The following C1QTNF3 variants were observed in gnomAD, a reference collection of about 807,000 sequenced individuals.
C1QTNF3 encodes the protein complement C1q tumor necrosis factor-related protein 3.
In C1QTNF3, 26 loss-of-function variants were observed where a neutral mutation model predicts 32.6. The observed-to-expected ratio is 0.80, with a 90% confidence interval of 0.58 to 1.11. The LOEUF (loss-of-function observed/expected upper bound fraction) is 1.11, where lower values mean the gene tolerates loss of function less well. Ranked by LOEUF, C1QTNF3 falls within the 50% of genes least tolerant of loss-of-function variation. The probability of loss-of-function intolerance (pLI) is 0.00; values close to 1 mark genes in which losing one functional copy is unlikely to be tolerated. For missense variants in C1QTNF3, 362 were observed against 398.2 expected (o/e 0.91, Z 0.77); for synonymous variants, 155 against 146.0 (o/e 1.06, Z -0.44).
chr5:34,052,210 T>C, the C1QTNF3 span, among the ~76,000 whole-genome samples: 1 of 152,218 alleles, frequency 6.6e-6, no homozygotes, highest in African/African-American at 2.4e-5. Context: ...ATTAATTTAT[T>C]ACTACAGATA....
At chr5:34,139,834 T>C in the C1QTNF3 span, among the ~76,000 whole-genome samples, 1 of 152,176 alleles carries the variant, frequency 6.6e-6, no homozygotes, top group African/African-American at 2.4e-5. Context: ...CATTAATAAA[T>C]GAAAAGAATA....
chr5:34,070,532 T>G, the C1QTNF3 span, among the ~76,000 whole-genome samples: 64 of 152,252 alleles, frequency 4.2e-4, no homozygotes, highest in Admixed American at 2.7e-3. Context: ...TGGGTAGAGT[T>G]TATGCCATAA....
At chr5:34,128,676 A>C in the C1QTNF3 span, among the ~76,000 whole-genome samples, 1 of 152,034 alleles carries the variant, frequency 6.6e-6, no homozygotes, top group South Asian at 2.1e-4. Flanking sequence ...TGGGTTTTGG[A>C]TTTGGATGGG....
chr5:34,023,872 A>T (rs754187992), intron 5 of C1QTNF3, 37 bp downstream of exon 5: 66 of 1,508,756 alleles, frequency 4.4e-5, no homozygotes, highest in Non-Finnish European at 6.0e-5. Context: ...AAACAATGGC[A>T]GCATGGATGA....
chr5:34,183,266 C>T, the C1QTNF3 span, among the ~76,000 whole-genome samples: 3 of 151,954 alleles, frequency 2.0e-5, no homozygotes, highest in African/African-American at 7.2e-5. Flanking sequence ...CTTGAGCCAC[C>T]GTGCCCGGCC....
the C1QTNF3 span, among the ~76,000 whole-genome samples, chr5:34,237,124 T>C: frequency 6.6e-6 from 1 of 152,278 alleles, no homozygotes; most frequent in South Asian, 2.1e-4. Context: ...GATGAGTAAA[T>C]TGTTGTTTTC....
At chr5:34,109,757 C>T in the C1QTNF3 span, among the ~76,000 whole-genome samples, 7 of 152,274 alleles carry the variant, frequency 4.6e-5, no homozygotes, top group African/African-American at 1.7e-4. Context: ...CTTATTCCAG[C>T]GTTGCCTTGT....
rs115731056 is a variant in C1QTNF3 at position 34,029,988 on chromosome 5, G to A, written c.571-1105C>T. ...GGCATGTTTTATTATTTTTGGCCCA[G>A]AACTTTTCTAATTTTTTTTAACAGT... On this transcript the variant is annotated intron_variant, in intron 3 of 5. Transcript: ENST00000382065. Among the ~76,000 whole-genome samples, 428 of 152,094 alleles carry A rather than the reference G, an allele frequency of 2.8e-3. 4 individuals are homozygous for A. Among genetic ancestry groups the A allele is most frequent in the African/African-American group, 9.5e-3 (392 of 41,470 alleles).
chr5:34,054,332 A>G, the C1QTNF3 span, among the ~76,000 whole-genome samples: 1 of 152,208 alleles, frequency 6.6e-6, no homozygotes, highest in African/African-American at 2.4e-5. Flanking sequence ...AGATGAGATA[A>G]ACACAGTTCT....
intron 3 of C1QTNF3, 132 bp downstream of exon 3, chr5:34,033,172 A>G: frequency 4.1e-6 from 4 of 968,048 alleles, no homozygotes; most frequent in Non-Finnish European, 4.7e-6. Context: ...TGTGATGTAG[A>G]TGAACAAACT....
At chr5:34,163,505 A>G in the C1QTNF3 span, among the ~76,000 whole-genome samples, 1 of 151,750 alleles carries the variant, frequency 6.6e-6, no homozygotes, top group Non-Finnish European at 1.5e-5. Flanking sequence ...AAATCTCAAT[A>G]ACAAAGTCCT....
chr5:34,171,084 T>A, the C1QTNF3 span, among the ~76,000 whole-genome samples: 1 of 152,122 alleles, frequency 6.6e-6, no homozygotes, highest in African/African-American at 2.4e-5. Context: ...TTGTAAAGAA[T>A]AGAATCTGCC....
chr5:34,154,910 A>G, the C1QTNF3 span, among the ~76,000 whole-genome samples: 8 of 152,312 alleles, frequency 5.3e-5, no homozygotes, highest in East Asian at 1.5e-3. Context: ...TGGACAGTTG[A>G]GAACCACTGG....
the C1QTNF3 span, chr5:34,106,307 C>T: frequency 2.6e-5 from 4 of 151,468 alleles, no homozygotes; most frequent in Admixed American, 2.0e-4. Flanking sequence ...ACTTAATTTT[C>T]CCTCTAATAT....
Position 34,018,921 on chromosome 5 carries a change from G to C in C1QTNF3, c.*1662C>G, listed in dbSNP as rs1033081264. On this transcript the variant is annotated 3_prime_UTR_variant, in exon 6 of 6. Transcript: ENST00000382065. The stretch of plus-strand genomic sequence containing the variant: ...GCAGGCAGATCACCTGAGGTCAGGA[G>C]TTCCAGACCGGCCTGGTCAACATGG... 2.6e-5 allele frequency among the ~76,000 whole-genome samples: 4 copies of C among 152,090 alleles called. No homozygotes were observed. Among genetic ancestry groups the C allele is most frequent in the African/African-American group, 9.7e-5 (4 of 41,342 alleles).
rs553413616 is a variant in C1QTNF3, at chr5:34,041,241, C to A, written c.303+1582G>T. ...GTTGGTAGAGGAGTTGTAGTGAAAA[C>A]TTCCAGAATGTCAGTAACTCTAAAT... On this transcript the variant is annotated intron_variant, in intron 1 of 5. Transcript: ENST00000382065. Among the ~76,000 whole-genome samples the A allele has an allele frequency of 8.3e-4, 126 of 152,334 alleles. 1 individual carries two copies. Among genetic ancestry groups the A allele is most frequent in the African/African-American group, 2.9e-3 (121 of 41,566 alleles).
chr5:34,132,401 AC>A, the C1QTNF3 span, among the ~76,000 whole-genome samples: 14 of 82,890 alleles, frequency 1.7e-4, no homozygotes, highest in South Asian at 1.3e-3. Context: ...AACAACAACA[AC>A]AAAAATATAT....
chr5:34,026,375 CTG>C (rs1366205594), intron 4 of C1QTNF3, among the ~76,000 whole-genome samples: 1 of 146,464 alleles, frequency 6.8e-6, no homozygotes. Flanking sequence ...GGAAGCAAGG[CTG>C]TGTTTGGGGT....
At chr5:34,219,651 T>TA in the C1QTNF3 span, among the ~76,000 whole-genome samples, 1 of 151,816 alleles carries the variant, frequency 6.6e-6, no homozygotes, top group East Asian at 1.9e-4. Flanking sequence ...CCAAAGAAGG[T>TA]AAACTATTTT....
Sources: gnomAD v4.1 joint callset for allele counts (sites outside exome capture counted in the v4.1 genomes callset) on GRCh38, gnomAD v4.1.1 for gene constraint, MANE v1.5 for transcripts, NCBI Gene and HGNC (gene_info 2026-07-23, HGNC 2026-07-21) for gene names.